Variants in PPARGC1A observed in about 807,000 individuals in gnomAD.
The protein encoded by PPARGC1A is PPARG coactivator 1 alpha.
In PPARGC1A, 25 loss-of-function variants were observed where a neutral mutation model predicts 88.7. The ratio of observed to expected loss-of-function variants is 0.28; its 90% CI spans 0.21 to 0.39. The LOEUF (loss-of-function observed/expected upper bound fraction) is 0.39. Ranked by LOEUF, PPARGC1A falls within the 10% of genes least tolerant of loss-of-function variation. PPARGC1A has a pLI of 1.00. For missense variants in PPARGC1A, 880 were observed against 968.7 expected (o/e 0.91, Z 1.22); for synonymous variants, 363 against 355.6 (o/e 1.02, Z -0.24).
At chr4:24,345,945 G>T in the PPARGC1A span, among the ~76,000 whole-genome samples, 1 of 152,030 alleles carries the variant, frequency 6.6e-6, no homozygotes, top group Non-Finnish European at 1.5e-5. Context: ...TTACATTAAG[G>T]TATATGCCTT....
At chr4:23,910,430 A>ATT in the PPARGC1A span, among the ~76,000 whole-genome samples, 1 of 118,174 alleles carries the variant, frequency 8.5e-6, no homozygotes, top group African/African-American at 3.3e-5. Flanking sequence ...TTATTAATAT[A>ATT]ATATATATAT....
the PPARGC1A span, among the ~76,000 whole-genome samples, chr4:24,366,740 C>G: frequency 6.6e-6 from 1 of 152,156 alleles, no homozygotes; most frequent in African/African-American, 2.4e-5. Context: ...GTCATCACCC[C>G]CATTGTAATG....
chr4:23,826,608 T>C (rs190256223), intron 5 of PPARGC1A, among the ~76,000 whole-genome samples: 81 of 152,306 alleles, frequency 5.3e-4, no homozygotes, highest in Middle Eastern at 3.4e-3. Context: ...TTTCCGCATT[T>C]TGATTTTGAA....
chr4:24,405,002 G>A, the PPARGC1A span, among the ~76,000 whole-genome samples: 7 of 152,190 alleles, frequency 4.6e-5, no homozygotes, highest in East Asian at 1.2e-3. Context: ...ACTTCCCTGG[G>A]CTTCAGTTTC....
At chr4:24,236,763 A>G in the PPARGC1A span, among the ~76,000 whole-genome samples, 1 of 152,226 alleles carries the variant, frequency 6.6e-6, no homozygotes, top group Admixed American at 6.5e-5. Flanking sequence ...ACACTCTTAA[A>G]TAAGCCCAGG....
the PPARGC1A span, among the ~76,000 whole-genome samples, chr4:24,194,384 T>C: frequency 0.054 from 8,217 of 152,176 alleles, 307 homozygotes; most frequent in African/African-American, 0.099. Context: ...TAGCATCCTT[T>C]TTCTATACAC....
At chr4:24,019,458 A>G in the PPARGC1A span, among the ~76,000 whole-genome samples, 2 of 152,204 alleles carry the variant, frequency 1.3e-5, no homozygotes, top group African/African-American at 4.8e-5. Flanking sequence ...ACCTGGCTGA[A>G]TTCCAAATTC....
At chr4:23,987,583 C>A in the PPARGC1A span, among the ~76,000 whole-genome samples, 8 of 151,938 alleles carry the variant, frequency 5.3e-5, no homozygotes, top group Admixed American at 6.6e-5. Context: ...TCCTAACTCC[C>A]ACCCTACCCA....
At chr4:24,038,819 G>A in the PPARGC1A span, among the ~76,000 whole-genome samples, 2 of 152,132 alleles carry the variant, frequency 1.3e-5, no homozygotes, top group Admixed American at 6.6e-5. Flanking sequence ...ACTACACTGA[G>A]ATGGGCATTC....
At chr4:23,900,341 C>G (rs1719182258), upstream of PPARGC1A, among the ~76,000 whole-genome samples, 3 of 152,168 alleles carry the variant, frequency 2.0e-5, no homozygotes, top group African/African-American at 7.2e-5. Flanking sequence ...TCTCTGAGAG[C>G]ATGGACTTTG....
chr4:24,083,830 G>A, the PPARGC1A span, among the ~76,000 whole-genome samples: 1 of 152,206 alleles, frequency 6.6e-6, no homozygotes, highest in African/African-American at 2.4e-5. Context: ...CAAGTAGAAT[G>A]AGTACAACTC....
the PPARGC1A span, among the ~76,000 whole-genome samples, chr4:24,436,966 G>T: frequency 6.6e-6 from 1 of 152,064 alleles, no homozygotes; most frequent in Non-Finnish European, 1.5e-5. Context: ...TGGCGGGCTG[G>T]CTCTAGGGAG....
the PPARGC1A span, among the ~76,000 whole-genome samples, chr4:24,123,679 G>A: frequency 1.3e-5 from 2 of 152,064 alleles, no homozygotes; most frequent in African/African-American, 4.8e-5. Flanking sequence ...TCAAGGTTAG[G>A]CACAGATGCA....
the PPARGC1A span, among the ~76,000 whole-genome samples, chr4:24,053,976 A>G: frequency 4.6e-5 from 7 of 152,206 alleles, no homozygotes; most frequent in Non-Finnish European, 1.0e-4. Flanking sequence ...CACCATGAAG[A>G]TATGAAAGGA....
In PPARGC1A at chr4:23,872,489, A is replaced by G. The variant is rs59166625; in HGVS notation, c.234+12263T>C. ...TTGGTTTGGAATAGAATATTCCTCT[A>G]GCTAGGAGAAATGCTCTCCAGCAGA... is the stretch of plus-strand genomic sequence containing the variant. On this transcript the variant is annotated intron_variant, in intron 2 of 12. Transcript: ENST00000264867. 8.5e-3 allele frequency among the ~76,000 whole-genome samples: 1,291 copies of G among 152,268 alleles called. 21 individuals are homozygous for G. The highest frequency in any genetic ancestry group is 0.03 in the African/African-American group (1,232 of 41,556).
chr4:24,253,522 G>A, the PPARGC1A span, among the ~76,000 whole-genome samples: 1,126 of 152,258 alleles, frequency 7.4e-3, 75 homozygotes, highest in East Asian at 0.16. Flanking sequence ...CAACTTTTCC[G>A]TAGCTTTGAA....
the PPARGC1A span, among the ~76,000 whole-genome samples, chr4:24,054,325 A>AAC: frequency 6.6e-6 from 1 of 151,732 alleles, no homozygotes; most frequent in East Asian, 1.9e-4. Flanking sequence ...AAAAAAAAAA[A>AAC]ACACTATATT....
At chr4:24,135,760 T>C in the PPARGC1A span, among the ~76,000 whole-genome samples, 3 of 152,190 alleles carry the variant, frequency 2.0e-5, no homozygotes, top group Non-Finnish European at 4.4e-5. Context: ...CCAGCAAATT[T>C]ATTTTGCCTT....
the PPARGC1A span, among the ~76,000 whole-genome samples, chr4:24,105,871 T>C: frequency 2.0e-5 from 3 of 152,168 alleles, no homozygotes; most frequent in East Asian, 5.8e-4. Flanking sequence ...GAAGTTCCAG[T>C]GCATTACTCA....
Sources: gnomAD v4.1 joint callset for allele counts (sites outside exome capture counted in the v4.1 genomes callset) on GRCh38, gnomAD v4.1.1 for gene constraint, MANE v1.5 for transcripts, NCBI Gene and HGNC (gene_info 2026-07-23, HGNC 2026-07-21) for gene names.